GLI2: variants seen among roughly 807,000 people sequenced by gnomAD.
The protein encoded by GLI2 is GLI family zinc finger 2, also known as transcription activator GLI2.
A neutral mutation model predicts 78.9 loss-of-function variants in GLI2; 22 were observed. The ratio of observed to expected loss-of-function variants is 0.28; its 90% CI spans 0.20 to 0.40. GLI2 has a LOEUF of 0.40. Ranked by LOEUF, GLI2 falls within the 10% of genes least tolerant of loss-of-function variation. GLI2 has a pLI of 1.00. For synonymous variants in GLI2, 974 were observed against 963.7 expected, an observed-to-expected ratio of 1.01 and a Z score of -0.20; for missense variants, 2,097 against 2,213.2, an observed-to-expected ratio of 0.95 and a Z score of 1.05.
chr2:120,786,071 C>T (rs1265667859), intron 1 of GLI2, among the ~76,000 whole-genome samples: 1 of 152,158 alleles, frequency 6.6e-6, no homozygotes, highest in Non-Finnish European at 1.5e-5. Flanking sequence ...TGGCTCCTGG[C>T]AAGGCAGCCT....
At chr2:120,740,516 G>C (rs904601363) in intron 1 of GLI2, among the ~76,000 whole-genome samples, 8 of 151,922 alleles carry the variant, frequency 5.3e-5, no homozygotes, top group Non-Finnish European at 4.4e-5. Flanking sequence ...AAGAAAAAAA[G>C]TTTTAGTGCG....
chr2:120,802,246 C>T (rs918148775), intron 2 of GLI2, among the ~76,000 whole-genome samples: 1 of 152,152 alleles, frequency 6.6e-6, no homozygotes, highest in Non-Finnish European at 1.5e-5. Flanking sequence ...CCAGAATATG[C>T]GTGAGAAATA....
chr2:120,768,795 G>A (rs545588228), intron 1 of GLI2, among the ~76,000 whole-genome samples: 5 of 142,802 alleles, frequency 3.5e-5, no homozygotes, highest in Admixed American at 6.9e-5. Flanking sequence ...AAGAGGCCCC[G>A]CCCCTGTGTG....
intron 5 of GLI2, among the ~76,000 whole-genome samples, chr2:120,963,839 G>A (rs1324606507): frequency 3.3e-5 from 5 of 152,230 alleles, no homozygotes; most frequent in Admixed American, 2.0e-4. Flanking sequence ...TGGGACAGTC[G>A]TGAAGATTAA....
At chr2:120,961,919 G>A (rs1181680362) in intron 5 of GLI2, among the ~76,000 whole-genome samples, 3 of 152,080 alleles carry the variant, frequency 2.0e-5, no homozygotes, top group African/African-American at 4.8e-5. Context: ...ACCCAGCCCC[G>A]GGCTGAGGAT....
intron 2 of GLI2, among the ~76,000 whole-genome samples, chr2:120,875,982 G>A (rs1688717384): frequency 6.6e-6 from 1 of 152,198 alleles, no homozygotes; most frequent in African/African-American, 2.4e-5. Context: ...GGACTGTTCA[G>A]TAGGCAGTGC....
At chr2:120,753,266 T>A (rs1682933519) in intron 1 of GLI2, among the ~76,000 whole-genome samples, 1 of 152,126 alleles carries the variant, frequency 6.6e-6, no homozygotes, top group South Asian at 2.1e-4. Flanking sequence ...CAGCTAATTT[T>A]TGTATTTTCA....
At chr2:120,970,640 G>A (rs764651661) in intron 7 of GLI2, 34 bp downstream of exon 7, 6 of 1,519,200 alleles carry the variant, frequency 3.9e-6, no homozygotes, top group Non-Finnish European at 4.6e-6. Flanking sequence ...TGGCCACTGG[G>A]TACTCATCTG....
rs1159158222 is a variant in GLI2 at position 120,975,101 on chromosome 2, C to G, written c.1309C>G (p.Leu437Val). ...CTKEYDTQEQ[L>V]VHHINNEHIH... ...CAAGGAGTACGACACCCAGGAGCAG[C>G]TGGTGCATGTAAGCTTTTGAACCCC... is the stretch of plus-strand genomic sequence containing the variant. Residue 437 changes from leucine (L) to valine (V), a missense_variant, in exon 9 of 14, where the codon CTG becomes GTG. Physicochemically the swap from Leu to Val is conservative, Grantham distance 32 (BLOSUM62 1). This residue lies in a region of GLI2 where 578 missense variants were observed against 612.0 expected (regional missense o/e 0.94). Transcript: ENST00000361492. 1.2e-5 allele frequency: 20 copies of G among 1,613,766 alleles called. No individual in the cohort carries two copies. Among genetic ancestry groups the G allele is most frequent in the Non-Finnish European group, 1.7e-5 (20 of 1,180,008 alleles).
intron 3 of GLI2, among the ~76,000 whole-genome samples, chr2:120,936,407 G>A (rs1680201688): frequency 6.6e-6 from 1 of 152,138 alleles, no homozygotes; most frequent in Admixed American, 6.5e-5. Context: ...TGGGCCAGTG[G>A]TGTCCTATTC....
chr2:120,754,481 C>T (rs565688339), intron 1 of GLI2, among the ~76,000 whole-genome samples: 96 of 151,990 alleles, frequency 6.3e-4, no homozygotes, highest in Admixed American at 1.5e-3. Context: ...TGATCTGCTT[C>T]CTGTCATTTT....
At chr2:120,848,552 G>C (rs1465962112) in intron 2 of GLI2, among the ~76,000 whole-genome samples, 1 of 152,174 alleles carries the variant, frequency 6.6e-6, no homozygotes, top group Non-Finnish European at 1.5e-5. Context: ...CCTATTCTTG[G>C]CAACTTTTGC....
intron 2 of GLI2, among the ~76,000 whole-genome samples, chr2:120,837,504 G>A (rs2310897): frequency 0.22 from 34,062 of 151,972 alleles, 4,774 homozygotes; most frequent in African/African-American, 0.39. Context: ...TTGAGACAAC[G>A]GTTGTACATT....
chr2:120,975,437 ATT>A lies in GLI2; in HGVS notation c.1317+337_1317+338del, dbSNP rs72382377. On this transcript the variant is annotated intron_variant, in intron 9 of 13. Coordinates refer to ENST00000361492, the MANE Select transcript of GLI2 (RefSeq NM_001374353.1). ...GCTTTGAGCTATATTCTATATACAC[ATT>A]TTTTTTTTCTGAGATTCCTAATAGC... Among the ~76,000 whole-genome samples the A allele has an allele frequency of 1.1e-4, 17 of 151,368 alleles. No homozygotes were observed. In the East Asian group the frequency reaches 1.6e-3, roughly 14 times the overall value.
chr2:120,736,433 G>C (rs1309730829), intron 1 of GLI2, 148 bp downstream of exon 1: 1 of 152,202 alleles, frequency 6.6e-6, no homozygotes, highest in Non-Finnish European at 1.5e-5. Flanking sequence ...GGGGCCCTGG[G>C]CTTCGGGGGA....
chr2:120,918,656 G>T (rs1316230538), intron 2 of GLI2, among the ~76,000 whole-genome samples: 1 of 152,142 alleles, frequency 6.6e-6, no homozygotes, highest in Non-Finnish European at 1.5e-5. Flanking sequence ...GGCCAGGATG[G>T]TGTCAAACTC....
chr2:120,807,959 G>C (rs1685041926), intron 2 of GLI2, among the ~76,000 whole-genome samples: 1 of 152,086 alleles, frequency 6.6e-6, no homozygotes, highest in East Asian at 1.9e-4. Flanking sequence ...AGCCGCCCTT[G>C]GCTCTTTCCC....
intron 2 of GLI2, among the ~76,000 whole-genome samples, chr2:120,861,298 G>A (rs1301268083): frequency 6.6e-6 from 1 of 152,212 alleles, no homozygotes; most frequent in Non-Finnish European, 1.5e-5. Context: ...TGTAGTGGGT[G>A]CTGACGTGAA....
chr2:120,748,043 G>A (rs78439092), intron 1 of GLI2, among the ~76,000 whole-genome samples: 1,739 of 152,276 alleles, frequency 0.011, 35 homozygotes, highest in African/African-American at 0.037. Context: ...GGCAGTCTCC[G>A]AAATCCCAGC....
Sources: gnomAD v4.1 joint callset for allele counts (sites outside exome capture counted in the v4.1 genomes callset) on GRCh38, gnomAD v4.1.1 for gene constraint, gnomAD v4.1.1 regional missense constraint, MANE v1.5 for transcripts, NCBI Gene and HGNC (gene_info 2026-07-23, HGNC 2026-07-21) for gene names.